TUBA1C: variants seen among roughly 807,000 people sequenced by gnomAD.
TUBA1C encodes the protein tubulin alpha 1c.
Under a neutral mutation model 34.9 loss-of-function variants are expected in TUBA1C, and 16 were observed. That is an observed-to-expected ratio of 0.46 (90% CI 0.31 to 0.70). The LOEUF (loss-of-function observed/expected upper bound fraction) is 0.70, where lower values mean the gene tolerates loss of function less well. Among genes scored for constraint, TUBA1C ranks in the 30% least tolerant of loss-of-function variants. The pLI, the probability that TUBA1C is intolerant of heterozygous loss-of-function variation, is 0.05. For missense variants in TUBA1C, 329 were observed against 587.3 expected (o/e 0.56, Z 4.55); for synonymous variants, 177 against 215.9 (o/e 0.82, Z 1.58).
In TUBA1C at chr12:49,243,698, A is replaced by G. The variant is rs968271990; in HGVS notation, c.213+15532A>G. ...GCAATCATGGTTCACTACAGCCTCA[A>G]TCTTTTTGCTGTGAAGGCTAAGAGG... On this transcript the variant is annotated intron_variant, in intron 1 of 3. Transcript: ENST00000541364. Among the ~76,000 whole-genome samples, 4 of 152,184 alleles carry G rather than the reference A, an allele frequency of 2.6e-5. No individual in the cohort carries two copies. The South Asian group carries it at 8.3e-4, about 32-fold the overall frequency.
chr12:49,254,347 G>C (rs977955026), intron 1 of TUBA1C, among the ~76,000 whole-genome samples: 2 of 151,606 alleles, frequency 1.3e-5, no homozygotes, highest in African/African-American at 4.8e-5. Flanking sequence ...GAGTGTCGTG[G>C]TGCACGCCTG....
At chr12:49,255,052 T>A (rs980866844) in intron 1 of TUBA1C, among the ~76,000 whole-genome samples, 2 of 152,024 alleles carry the variant, frequency 1.3e-5, no homozygotes, top group African/African-American at 4.8e-5. Flanking sequence ...CCCAAATTGC[T>A]GGGATTACAG....
At chr12:49,235,472 CA>C in intron 1 of TUBA1C, among the ~76,000 whole-genome samples, 1 of 152,050 alleles carries the variant, frequency 6.6e-6, no homozygotes, top group African/African-American at 2.4e-5. Flanking sequence ...CAGTGGCTCA[CA>C]CCTGTAATCC....
chr12:49,240,713 G>A (rs1433407495), intron 1 of TUBA1C, among the ~76,000 whole-genome samples: 2 of 152,022 alleles, frequency 1.3e-5, no homozygotes, highest in African/African-American at 2.4e-5. Context: ...TCAGCCTTCC[G>A]AGTAGCTGGC....
upstream of TUBA1C, among the ~76,000 whole-genome samples, chr12:49,260,844 C>T (rs1942833738): frequency 1.3e-5 from 2 of 152,128 alleles, no homozygotes; most frequent in Admixed American, 6.6e-5. Flanking sequence ...GATCCTCCCA[C>T]TAAAGCCTTC....
intron 1 of TUBA1C, among the ~76,000 whole-genome samples, chr12:49,257,223 G>A (rs921957158): frequency 1.3e-5 from 2 of 151,970 alleles, no homozygotes; most frequent in Non-Finnish European, 1.5e-5. Context: ...GGAAGGGTTG[G>A]GATTCCAAAG....
intron 1 of TUBA1C, among the ~76,000 whole-genome samples, chr12:49,231,261 C>G (rs1198139704): frequency 1.3e-5 from 2 of 152,186 alleles, no homozygotes; most frequent in Non-Finnish European, 2.9e-5. Context: ...AACTCCTGGG[C>G]TCAAGTGATC....
intron 1 of TUBA1C, chr12:49,233,600 C>T (rs913107725): frequency 6.6e-6 from 1 of 152,228 alleles, no homozygotes; most frequent in African/African-American, 2.4e-5. Context: ...CCTGTTTTGA[C>T]CCAGAGCCCT....
intron 1 of TUBA1C, 146 bp downstream of exon 1, chr12:49,265,330 G>C: frequency 1.8e-6 from 1 of 548,492 alleles, no homozygotes; most frequent in Non-Finnish European, 3.0e-6. Context: ...GTGGCGGCCG[G>C]GCTGGAAGGT....
At chr12:49,228,099 A>G (rs1249297597) in exon 1 of TUBA1C, 1 of 1,535,694 alleles carries the variant, frequency 6.5e-7, no homozygotes, top group Admixed American at 2.0e-5. Flanking sequence ...AGGACTCTTC[A>G]GCTCCCTGCG....
chr12:49,259,086 T>G (rs1258549783), intron 1 of TUBA1C, among the ~76,000 whole-genome samples: 1 of 152,092 alleles, frequency 6.6e-6, no homozygotes, highest in Non-Finnish European at 1.5e-5. Flanking sequence ...TTAAATGTCC[T>G]AGGCCTTCAC....
At chr12:49,241,020 G>A (rs1276950057) in intron 1 of TUBA1C, among the ~76,000 whole-genome samples, 1 of 152,094 alleles carries the variant, frequency 6.6e-6, no homozygotes, top group Non-Finnish European at 1.5e-5. Context: ...TCCCGCCTCA[G>A]CCTCCCAAGT....
At chr12:49,271,182 A>G (rs1449446008) in intron 3 of TUBA1C, among the ~76,000 whole-genome samples, 1 of 152,194 alleles carries the variant, frequency 6.6e-6, no homozygotes, top group African/African-American at 2.4e-5. Flanking sequence ...GGTAGGCGAG[A>G]GTCTGCCCTG....
intron 1 of TUBA1C, among the ~76,000 whole-genome samples, chr12:49,238,869 G>A (rs1317113478): frequency 6.6e-6 from 1 of 152,078 alleles, no homozygotes; most frequent in Non-Finnish European, 1.5e-5. Flanking sequence ...CCGTCCCTGG[G>A]CACACCACTC....
chr12:49,268,283 G>A (rs1248263887), intron 1 of TUBA1C, among the ~76,000 whole-genome samples: 1 of 152,160 alleles, frequency 6.6e-6, no homozygotes, highest in African/African-American at 2.4e-5. Context: ...ATTTTTAGTA[G>A]AGATGGGGTT....
upstream of TUBA1C, chr12:49,264,786 A>G (rs1565647634): frequency 5.7e-6 from 1 of 174,440 alleles, no homozygotes; most frequent in Non-Finnish European, 1.1e-5. Context: ...CCAGCCCCAG[A>G]GCCCTTCCTG....
intron 1 of TUBA1C, among the ~76,000 whole-genome samples, chr12:49,259,773 T>C (rs1382912718): frequency 6.6e-6 from 1 of 152,208 alleles, no homozygotes; most frequent in Non-Finnish European, 1.5e-5. Flanking sequence ...GCACTGATAT[T>C]CTCTCTAGTA....
upstream of TUBA1C, among the ~76,000 whole-genome samples, chr12:49,264,480 C>T (rs1313872150): frequency 6.6e-6 from 1 of 152,048 alleles, no homozygotes; most frequent in Non-Finnish European, 1.5e-5. Context: ...GGGGAGCGGG[C>T]GCCCGCGGGC....
chr12:49,261,308 G>C (rs958641835), upstream of TUBA1C, among the ~76,000 whole-genome samples: 2 of 152,094 alleles, frequency 1.3e-5, no homozygotes, highest in Admixed American at 1.3e-4. Context: ...GTTAAAAGTA[G>C]GGTAAATTTT....
Sources: gnomAD v4.1 joint callset for allele counts (sites outside exome capture counted in the v4.1 genomes callset) on GRCh38, gnomAD v4.1.1 for gene constraint, MANE v1.5 for transcripts, NCBI Gene and HGNC (gene_info 2026-07-23, HGNC 2026-07-21) for gene names.